Variants in LRRC4C observed in about 807,000 individuals in gnomAD.
LRRC4C encodes leucine rich repeat containing 4C.
LRRC4C carries 5 observed loss-of-function variants against 33.6 expected under a neutral mutation model. The observed-to-expected ratio is 0.15, with a 90% confidence interval of 0.08 to 0.31. The LOEUF (loss-of-function observed/expected upper bound fraction) is 0.31, where lower values mean the gene tolerates loss of function less well. LRRC4C is among the 10% of genes least tolerant of loss of function. The pLI, the probability that LRRC4C is intolerant of heterozygous loss-of-function variation, is 1.00. For synonymous variants in LRRC4C, 329 were observed against 302.0 expected, an observed-to-expected ratio of 1.09 and a Z score of -0.93; for missense variants, 560 against 796.7, an observed-to-expected ratio of 0.70 and a Z score of 3.58.
chr11:40,409,024 CA>C (rs1317377073), intron 3 of LRRC4C, among the ~76,000 whole-genome samples: 1 of 151,912 alleles, frequency 6.6e-6, no homozygotes. Context: ...AAAGCTACAG[CA>C]ATCGAAACAG....
chr11:40,711,133 G>T (rs749658568), intron 2 of LRRC4C, among the ~76,000 whole-genome samples: 26 of 152,162 alleles, frequency 1.7e-4, no homozygotes, highest in Admixed American at 3.3e-4. Flanking sequence ...GAAATCCCCC[G>T]ACCCCTTTCG....
At chr11:40,381,945 T>C (rs565169882) in intron 3 of LRRC4C, among the ~76,000 whole-genome samples, 74 of 147,104 alleles carry the variant, frequency 5.0e-4, no homozygotes, top group African/African-American at 1.7e-3. Flanking sequence ...AAAATGTTTA[T>C]CAGTCAGCGT....
chr11:41,228,818 C>T (rs950072939), intron 1 of LRRC4C, among the ~76,000 whole-genome samples: 1 of 152,094 alleles, frequency 6.6e-6, no homozygotes, highest in South Asian at 2.1e-4. Context: ...GTCACTAATG[C>T]TTGTTTACAC....
In LRRC4C at chr11:40,935,704, A is replaced by AT. The variant is rs1040174917; in HGVS notation, c.-495-1982dup. 1.2e-4 allele frequency among the ~76,000 whole-genome samples: 19 copies of AT among 152,052 alleles called. 1 individual carries two copies. On this transcript the variant is annotated intron_variant, in intron 1 of 6. Coordinates refer to ENST00000528697, the MANE Select transcript of LRRC4C (RefSeq NM_001258419.2). Reference sequence around the variant, plus strand: ...CAAGAATGAAATTGCCTAATGACACATATTTTTAGAATGTATTCCCAAGAG... The same window carrying AT: ...CAAGAATGAAATTGCCTAATGACACATTATTTTTAGAATGTATTCCCAAGAG...
At chr11:40,800,600 C>T (rs957589223) in intron 2 of LRRC4C, among the ~76,000 whole-genome samples, 1 of 152,056 alleles carries the variant, frequency 6.6e-6, no homozygotes, top group South Asian at 2.1e-4. Context: ...GAATAATTAA[C>T]TCTGTATTTT....
chr11:40,413,556 C>T (rs961497084), intron 3 of LRRC4C, among the ~76,000 whole-genome samples: 6 of 152,078 alleles, frequency 3.9e-5, no homozygotes, highest in Non-Finnish European at 5.9e-5. Context: ...GTTAGCTAAA[C>T]GTCCCTGTGG....
chr11:40,397,309 G>A (rs1949580884), intron 3 of LRRC4C, among the ~76,000 whole-genome samples: 1 of 152,070 alleles, frequency 6.6e-6, no homozygotes, highest in Non-Finnish European at 1.5e-5. Context: ...AGGAAATAGT[G>A]TAATTAAGCA....
chr11:40,938,485 A>T (rs1032659125), intron 1 of LRRC4C, among the ~76,000 whole-genome samples: 3 of 152,178 alleles, frequency 2.0e-5, no homozygotes, highest in African/African-American at 7.2e-5. Context: ...TTGAACACAT[A>T]CTATGTGTCA....
intron 3 of LRRC4C, among the ~76,000 whole-genome samples, chr11:40,590,754 GC>G (rs1591205364): frequency 5.3e-5 from 8 of 150,472 alleles, no homozygotes; most frequent in African/African-American, 4.9e-5. Flanking sequence ...GTGTCAGTGT[GC>G]CCCTGCTGGG....
At position 40,768,339 on chromosome 11, in the gene LRRC4C, G is replaced by C. The variant is rs889356525; in HGVS notation, c.-406-120061C>G. On this transcript the variant is annotated intron_variant, in intron 2 of 6. Coordinates refer to ENST00000528697, the MANE Select transcript of LRRC4C (RefSeq NM_001258419.2). Reference sequence around the variant, plus strand: ...ATATAATAACAAGCCTCCTGGCCAAGAAAAACTTGGGACCTGGTGGTTTCA... The same window carrying C: ...ATATAATAACAAGCCTCCTGGCCAACAAAAACTTGGGACCTGGTGGTTTCA... 6.6e-5 allele frequency among the ~76,000 whole-genome samples: 10 copies of C among 152,108 alleles called. No individual in the cohort carries two copies. The South Asian group carries it at 1.9e-3, about 28-fold the overall frequency.
chr11:40,350,645 T>C (rs1260867913), intron 3 of LRRC4C, among the ~76,000 whole-genome samples: 1 of 152,128 alleles, frequency 6.6e-6, no homozygotes, highest in African/African-American at 2.4e-5. Context: ...ATTGGTATTT[T>C]GATAAGGATT....
At chr11:41,425,097 A>G (rs971363811) in intron 1 of LRRC4C, among the ~76,000 whole-genome samples, 7 of 152,232 alleles carry the variant, frequency 4.6e-5, no homozygotes, top group African/African-American at 1.4e-4. Context: ...ACGACCATCA[A>G]AAGTTAACTA....
At chr11:40,199,103 C>T (rs1201573045) in intron 5 of LRRC4C, among the ~76,000 whole-genome samples, 1 of 152,180 alleles carries the variant, frequency 6.6e-6, no homozygotes, top group East Asian at 1.9e-4. Context: ...TGGAGTCTCA[C>T]TCTGTCATCC....
chr11:40,753,912 G>T (rs1948815404), intron 2 of LRRC4C, among the ~76,000 whole-genome samples: 1 of 151,344 alleles, frequency 6.6e-6, no homozygotes, highest in African/African-American at 2.4e-5. Flanking sequence ...GAATGACTAT[G>T]ATAAAAAGAT....
intron 1 of LRRC4C, among the ~76,000 whole-genome samples, chr11:41,034,537 T>TACAC (rs1856932770): frequency 6.9e-6 from 1 of 144,878 alleles, no homozygotes; most frequent in African/African-American, 2.5e-5. Context: ...TTTATATATA[T>TACAC]AATATAAATT....
rs1955838622 is a variant in LRRC4C at position 40,894,110 on chromosome 11, T to C, written c.-407+39525A>G. On this transcript the variant is annotated intron_variant, in intron 2 of 6. Coordinates refer to ENST00000528697, the MANE Select transcript of LRRC4C (RefSeq NM_001258419.2). ...GATGCTTTGCAGATCAATTTTTTCC[T>C]TACCTAATTTCTCTAATGCTAAAAT... 2.6e-5 allele frequency among the ~76,000 whole-genome samples: 4 copies of C among 152,270 alleles called. No individual in the cohort carries two copies. In the South Asian group the frequency reaches 8.3e-4, roughly 32 times the overall value.
At chr11:40,219,662 T>C (rs745573179) in intron 5 of LRRC4C, among the ~76,000 whole-genome samples, 24 of 151,262 alleles carry the variant, frequency 1.6e-4, no homozygotes, top group Admixed American at 1.5e-3. Flanking sequence ...ATCTCACATG[T>C]GGGATTTTAA....
chr11:40,280,369 G>C (rs966703557), intron 4 of LRRC4C, among the ~76,000 whole-genome samples: 2 of 152,188 alleles, frequency 1.3e-5, no homozygotes, highest in Admixed American at 1.3e-4. Flanking sequence ...GATATGAAAG[G>C]CTCTAATGAG....
intron 2 of LRRC4C, among the ~76,000 whole-genome samples, chr11:40,705,480 G>A (rs181333311): frequency 1.2e-3 from 175 of 147,270 alleles, no homozygotes; most frequent in African/African-American, 4.1e-3. Flanking sequence ...CCTTGCCATA[G>A]TTTGCTGAGA....
Sources: allele counts gnomAD v4.1 joint callset (sites outside exome capture counted in the v4.1 genomes callset), GRCh38; gene constraint gnomAD v4.1.1; transcripts MANE v1.5; gene names NCBI Gene and HGNC (gene_info 2026-07-23, HGNC 2026-07-21).